The following ARHGAP26 variants were observed in gnomAD, a reference collection of about 807,000 sequenced individuals.
The protein encoded by ARHGAP26 is Rho GTPase activating protein 26.
In ARHGAP26, 38 loss-of-function variants were observed where a neutral mutation model predicts 104.8. The ratio of observed to expected loss-of-function variants is 0.36; its 90% CI spans 0.28 to 0.48. The LOEUF is 0.48. Among genes scored for constraint, ARHGAP26 ranks in the 20% least tolerant of loss-of-function variants. The pLI is 0.99. For missense variants in ARHGAP26, 704 were observed against 947.9 expected (o/e 0.74, Z 3.38); for synonymous variants, 341 against 340.0 (o/e 1.00, Z -0.03).
At chr5:142,997,998 T>C (rs1471694609) in intron 11 of ARHGAP26, among the ~76,000 whole-genome samples, 1 of 152,156 alleles carries the variant, frequency 6.6e-6, no homozygotes, top group Non-Finnish European at 1.5e-5. Context: ...ACACATAAAA[T>C]AGGATTATAT....
chr5:143,224,046 G>A lies in ARHGAP26; in HGVS notation c.*1600G>A, dbSNP rs1412922809. 1 of 230,718 alleles carries A rather than the reference G, an allele frequency of 4.3e-6. No homozygotes were observed. Among genetic ancestry groups the A allele is most frequent in the East Asian group, 6.2e-5 (1 of 16,244 alleles). 14.3% of individuals were successfully genotyped at this position (230,718 alleles called of 1,614,324 possible). On this transcript the variant is annotated 3_prime_UTR_variant, in exon 23 of 23. Coordinates refer to ENST00000645722, the MANE Select transcript of ARHGAP26 (RefSeq NM_001135608.3). ...GTGTTTCCTGTTTCTGGAATTCCTT[G>A]TTAGGGAACTTTAAAGAAGAAAAGA...
chr5:142,952,420 G>C (rs1461912328), intron 11 of ARHGAP26, among the ~76,000 whole-genome samples: 1 of 152,130 alleles, frequency 6.6e-6, no homozygotes, highest in African/African-American at 2.4e-5. Context: ...ACTCTCATCT[G>C]TTTTGGTGTT....
chr5:142,954,549 G>A (rs1164445170), intron 11 of ARHGAP26, among the ~76,000 whole-genome samples: 2 of 152,146 alleles, frequency 1.3e-5, no homozygotes, highest in African/African-American at 4.8e-5. Context: ...TTCCTTGTTA[G>A]TCCACACTCC....
chr5:143,175,998 C>T (rs767814676), intron 20 of ARHGAP26, among the ~76,000 whole-genome samples: 14 of 152,104 alleles, frequency 9.2e-5, no homozygotes, highest in Non-Finnish European at 2.1e-4. Context: ...CCTGTAATCC[C>T]AGCTACTCAG....
chr5:142,861,172 G>A (rs192588125), intron 1 of ARHGAP26, among the ~76,000 whole-genome samples: 57 of 152,202 alleles, frequency 3.7e-4, no homozygotes, highest in African/African-American at 1.3e-3. Flanking sequence ...TGGGGATTTC[G>A]TGGGCACCTA....
intron 17 of ARHGAP26, among the ~76,000 whole-genome samples, chr5:143,065,141 T>G (rs1787299370): frequency 6.6e-6 from 1 of 152,156 alleles, no homozygotes; most frequent in Admixed American, 6.6e-5. Flanking sequence ...ATTATAAAAG[T>G]GAGAGAGTAT....
At chr5:143,222,325 T>A in intron 22 of ARHGAP26, 33 bp from the exon 23 acceptor site, 1 of 1,494,754 alleles carries the variant, frequency 6.7e-7, no homozygotes, top group Non-Finnish European at 9.1e-7. Context: ...TGTAATGCCA[T>A]CTCTTCTCGC....
intron 17 of ARHGAP26, among the ~76,000 whole-genome samples, chr5:143,085,136 C>A (rs3776322): frequency 0.093 from 14,070 of 151,732 alleles, 1,171 homozygotes; most frequent in East Asian, 0.28. Flanking sequence ...GTGGTCCCGG[C>A]CCCGGAAACT....
chr5:143,067,086 C>T (rs962345751), intron 17 of ARHGAP26, among the ~76,000 whole-genome samples: 5 of 152,116 alleles, frequency 3.3e-5, no homozygotes, highest in South Asian at 2.1e-4. Flanking sequence ...ATTTCATCTC[C>T]GATGCAGCTG....
At chr5:142,895,473 G>T (rs888269096) in intron 6 of ARHGAP26, among the ~76,000 whole-genome samples, 1 of 151,922 alleles carries the variant, frequency 6.6e-6, no homozygotes, top group Non-Finnish European at 1.5e-5. Context: ...CCCGTGATCC[G>T]CCCGCCTCGG....
At chr5:143,207,426 G>A in intron 21 of ARHGAP26, 118 bp downstream of exon 21, 1 of 1,614,004 alleles carries the variant, frequency 6.2e-7, no homozygotes, top group Non-Finnish European at 8.5e-7. Flanking sequence ...ATCCAAACCT[G>A]CACTTGCTTT....
At chr5:142,856,782 G>A (rs1561960087) in intron 1 of ARHGAP26, among the ~76,000 whole-genome samples, 2 of 152,178 alleles carry the variant, frequency 1.3e-5, no homozygotes, top group Non-Finnish European at 2.9e-5. Flanking sequence ...AAGGATGTTT[G>A]TAGGTTATAT....
chr5:142,806,987 C>T (rs972919043), intron 1 of ARHGAP26, among the ~76,000 whole-genome samples: 2 of 152,146 alleles, frequency 1.3e-5, no homozygotes, highest in Non-Finnish European at 2.9e-5. Flanking sequence ...TGAAGGGAGC[C>T]CTCAGGCTTG....
chr5:143,145,376 A>G (rs192542783), intron 19 of ARHGAP26, among the ~76,000 whole-genome samples: 18 of 152,258 alleles, frequency 1.2e-4, no homozygotes, highest in Admixed American at 1.2e-3. Flanking sequence ...GAAGCAGTAA[A>G]TGTCTCCAGT....
intron 1 of ARHGAP26, among the ~76,000 whole-genome samples, chr5:142,784,019 G>A (rs929369299): frequency 6.6e-6 from 1 of 152,230 alleles, no homozygotes; most frequent in African/African-American, 2.4e-5. Context: ...GCATCCGTAG[G>A]CTTCGGCATC....
At chr5:142,783,004 C>A (rs1757825548) in intron 1 of ARHGAP26, among the ~76,000 whole-genome samples, 2 of 152,110 alleles carry the variant, frequency 1.3e-5, no homozygotes, top group African/African-American at 4.8e-5. Flanking sequence ...TATACCCCCG[C>A]CCCCACTCCC....
chr5:142,932,048 C>T lies in ARHGAP26; in HGVS notation c.1030C>T (p.Pro344Ser), dbSNP rs1028328735. The change falls in exon 11 of 23, where the codon CCA becomes TCA. Residue 344 changes from proline to serine, a missense_variant and splice_region_variant. Coordinates refer to ENST00000645722, the MANE Select transcript of ARHGAP26 (RefSeq NM_001135608.3). ...TCCATGTCCCTCCTTTCTCTGCAGG[C>T]CAGGGGTTATCACCATGCAAGCTTT... ...FCFDVEAVDRPGVITMQALSE... is the reference protein window; with the variant it reads ...FCFDVEAVDRSGVITMQALSE... The T allele has an allele frequency of 1.2e-6, 2 of 1,613,906 alleles. No homozygotes were observed. The highest frequency in any genetic ancestry group is 2.7e-5 in the African/African-American group (2 of 74,918).
At chr5:142,901,802 G>A (rs140710866) in intron 6 of ARHGAP26, 133 bp from the exon 7 acceptor site, 121 of 692,324 alleles carry the variant, frequency 1.7e-4, no homozygotes, top group Middle Eastern at 7.6e-4. Context: ...CACACAATTG[G>A]TGCTCTTTAA....
Position 143,012,548 on chromosome 5 carries a change from C to CATATATATATATATATAT in ARHGAP26, c.1108-1529_1108-1528insTATATATATATATATATA, listed in dbSNP as rs1414408846. ...CTGGAGGGATATATTTATATACATA[C>CATATATATATATATATAT]ATACATATATATATATATATATATA... On this transcript the variant is annotated intron_variant, in intron 11 of 22. Coordinates refer to ENST00000645722, the MANE Select transcript of ARHGAP26 (RefSeq NM_001135608.3). Among the ~76,000 whole-genome samples the CATATATATATATATATAT allele has an allele frequency of 4.3e-3, 101 of 23,288 alleles. 3 individuals carry two copies. Among genetic ancestry groups the CATATATATATATATATAT allele is most frequent in the Non-Finnish European group, 6.0e-3 (56 of 9,380 alleles). 15.3% of individuals were successfully genotyped at this position (23,288 alleles called of 152,430 possible).
Sources: allele counts gnomAD v4.1 joint callset (sites outside exome capture counted in the v4.1 genomes callset), GRCh38; gene constraint gnomAD v4.1.1; transcripts MANE v1.5; gene names NCBI Gene and HGNC (gene_info 2026-07-23, HGNC 2026-07-21).